STXBP2: variants seen among roughly 807,000 people sequenced by gnomAD.
The protein encoded by STXBP2 is syntaxin-binding protein 2.
A neutral mutation model predicts 72.2 loss-of-function variants in STXBP2; 47 were observed. That is an observed-to-expected ratio of 0.65 (90% CI 0.51 to 0.83). STXBP2 has a LOEUF of 0.83. Among genes scored for constraint, STXBP2 ranks in the 40% least tolerant of loss-of-function variants. The pLI, the probability that STXBP2 is intolerant of heterozygous loss-of-function variation, is 0.00. For missense variants in STXBP2, 702 were observed against 807.6 expected (o/e 0.87, Z 1.58); for synonymous variants, 367 against 338.7 (o/e 1.08, Z -0.92).
Position 7,643,238 on chromosome 19 carries a change from TGGA to T in STXBP2, c.1102_1104del (p.Glu368del). ...GGCTCGGTGGAGAAGCTGTGTAGTG[TGGA>T]GCAGGTGGGGCAGGGCTTGCGGGGG... On this transcript the variant is annotated inframe_deletion, in exon 13 of 19. Transcript: ENST00000221283. The T allele has an allele frequency of 6.2e-7, 1 of 1,612,096 alleles. No individual in the cohort carries two copies. Among genetic ancestry groups the T allele is most frequent in the Non-Finnish European group, 8.5e-7 (1 of 1,179,576 alleles).
rs1423850953 is a variant in STXBP2 at position 7,646,271 on chromosome 19, T to C, written c.1379T>C (p.Leu460Pro). The C allele has an allele frequency of 1.2e-6, 2 of 1,609,502 alleles. No homozygotes were observed. Among genetic ancestry groups the C allele is most frequent in the Non-Finnish European group, 1.7e-6 (2 of 1,178,446 alleles). ...TAGGGCTCGGGGACCTCCAGCCGGC[T>C]GGAGCCGAGAGAACGCATGGAGCCC... ...NPGGSGTSSR[L>P]EPRERMEPTY... The change falls in exon 16 of 19, where the codon CTG (leucine) becomes CCG (proline). Residue 460 changes from leucine to proline, a missense_variant. Physicochemically the swap from Leu to Pro is moderately conservative, Grantham distance 98. Coordinates refer to ENST00000221283, the MANE Select transcript of STXBP2 (RefSeq NM_006949.4).
At chr19:7,633,879 G>T (rs145592860), upstream of STXBP2, 39 of 179,382 alleles carry the variant, frequency 2.2e-4, no homozygotes, top group South Asian at 5.9e-3. Context: ...TCCTGAAAGG[G>T]CAGCTGCCAC....
rs763315086 is a variant in STXBP2, at chr19:7,641,889, C to A, written c.578+36C>A. 4.4e-6 allele frequency: 7 copies of A among 1,597,740 alleles called. No individual in the cohort carries two copies. The East Asian group carries it at 1.6e-4, about 37-fold the overall frequency. ...CACCCAGCCCCACCCCGATGCCGAC[C>A]CCCCCTTAACCGCGTGCAACACCTA... is the stretch of plus-strand genomic sequence containing the variant. On this transcript the variant is annotated intron_variant, in intron 7 of 18. Coordinates refer to ENST00000221283, the MANE Select transcript of STXBP2 (RefSeq NM_006949.4).
chr19:7,638,257 C>T (rs1244318950), intron 1 of STXBP2, among the ~76,000 whole-genome samples: 1 of 152,220 alleles, frequency 6.6e-6, no homozygotes, highest in Non-Finnish European at 1.5e-5. Flanking sequence ...ATCTGTTTCC[C>T]TGTCTGTAAA....
chr19:7,647,624 C>A, intron 18 of STXBP2, 101 bp from the exon 19 acceptor site: 1 of 1,598,414 alleles, frequency 6.3e-7, no homozygotes, highest in Non-Finnish European at 8.6e-7. Flanking sequence ...ACCTGGTTTG[C>A]TGAGGGACAG....
At chr19:7,638,637 T>C (rs1599388703) in intron 1 of STXBP2, 89 bp from the exon 2 acceptor site, 1 of 1,358,634 alleles carries the variant, frequency 7.4e-7, no homozygotes, top group South Asian at 1.2e-5. Context: ...GGAATTAAGA[T>C]GGGGGTTCAG....
rs760320854 is a variant in STXBP2, at chr19:7,643,162, C to T, written c.1027-3C>T. ...CCCCCAACCCCCACCCTGCACCCTG[C>T]AGTATTCTACGCACCTGCATCTAGC... On this transcript the variant is annotated splice_polypyrimidine_tract_variant and splice_region_variant and intron_variant, in intron 12 of 18. Transcript: ENST00000221283. The T allele has an allele frequency of 1.5e-5, 25 of 1,614,178 alleles. No homozygotes were observed. The highest frequency in any genetic ancestry group is 1.7e-5 in the Non-Finnish European group (20 of 1,180,030).
Position 7,647,580 on chromosome 19 carries a change from A to G in STXBP2, c.1696+69A>G, listed in dbSNP as rs1239240385. The stretch of plus-strand genomic sequence containing the variant: ...CCCGGGGCCTGGGCTTGTACCTTCT[A>G]GGTGTCTGGACTCCAGAGTCCTTGG... On this transcript the variant is annotated intron_variant, in intron 18 of 18. Transcript: ENST00000221283. 1.9e-6 allele frequency: 3 copies of G among 1,582,260 alleles called. No homozygotes were observed. The East Asian group carries it at 6.9e-5, about 37-fold the overall frequency.
the STXBP2 span, chr19:7,630,350 G>T: frequency 3.5e-6 from 2 of 577,464 alleles, no homozygotes; most frequent in Admixed American, 6.1e-5. Context: ...TTGAGAGGAA[G>T]ACTCCAGCTC....
At position 7,642,130 on chromosome 19, in the gene STXBP2, T is replaced by C. The variant is rs762815572; in HGVS notation, c.663+12T>C. Reference sequence around the variant, plus strand: ...CCAGTCTGGGCGAGGTGAGGGGGCGTGCTTGGGAGGTGAGGGGCAGCCCCA... The same window carrying C: ...CCAGTCTGGGCGAGGTGAGGGGGCGCGCTTGGGAGGTGAGGGGCAGCCCCA... On this transcript the variant is annotated intron_variant, in intron 8 of 18. Transcript: ENST00000221283. The surrounding 1 kb of genome is among the most constrained non-coding windows in gnomAD (Gnocchi z 6.0). The C allele has an allele frequency of 1.2e-6, 2 of 1,613,836 alleles. No homozygotes were observed. The highest frequency in any genetic ancestry group is 1.7e-5 in the Admixed American group (1 of 59,990).
At chr19:7,630,701 G>C in the STXBP2 span, 1 of 1,532,596 alleles carries the variant, frequency 6.5e-7, no homozygotes, top group East Asian at 2.4e-5. Context: ...TCCAGGGGTG[G>C]GAGAGGGTGT....
At chr19:7,639,511 G>C in intron 3 of STXBP2, 1 of 612,936 alleles carries the variant, frequency 1.6e-6, no homozygotes. Context: ...CAGAACCTCA[G>C]TCTCCCTGTC....
intron 1 of STXBP2, among the ~76,000 whole-genome samples, chr19:7,637,974 T>C (rs1599387646): frequency 6.6e-6 from 1 of 152,348 alleles, no homozygotes; most frequent in East Asian, 1.9e-4. Flanking sequence ...GTCAGTGGGA[T>C]AGCCTCAGCT....
At position 7,643,229 on chromosome 19, in the gene STXBP2, TGTGTAGTGTG is replaced by T; in HGVS notation, c.1093_1102del (p.Cys365SerfsTer19). 6.2e-7 allele frequency: 1 copy of T among 1,613,262 alleles called. No homozygotes were observed. Among genetic ancestry groups the T allele is most frequent in the Non-Finnish European group, 8.5e-7 (1 of 1,179,886 alleles). On this transcript the variant is annotated frameshift_variant, in exon 13 of 19. Coordinates refer to ENST00000221283, the MANE Select transcript of STXBP2 (RefSeq NM_006949.4). LOFTEE classifies it high-confidence loss of function. ...CACTTCAAGGGCTCGGTGGAGAAGC[TGTGTAGTGTG>T]GAGCAGGTGGGGCAGGGCTTGCGGG...
chr19:7,641,768 C>T lies in STXBP2; in HGVS notation c.493C>T (p.Arg165Cys), dbSNP rs1364548535. 7 of 1,552,320 alleles carry T rather than the reference C, an allele frequency of 4.5e-6. No individual in the cohort carries two copies. Among genetic ancestry groups the T allele is most frequent in the Non-Finnish European group, 6.1e-6 (7 of 1,147,968 alleles). Residue 165 changes from arginine to cysteine, a missense_variant, in exon 7 of 19, where the codon CGC (arginine) becomes TGC (cysteine). By Grantham distance (180) the Arg-to-Cys change is radical (BLOSUM62 -3). Coordinates refer to ENST00000221283, the MANE Select transcript of STXBP2 (RefSeq NM_006949.4). ...NLYCPFRAEE[R>C]TRQLEVLAQQ... is the part of the protein sequence containing the mutation. Reference sequence around the variant, plus strand: ...CTACTGCCCCTTCCGGGCAGAGGAGCGCACGCGGCAGCTCGAGGTGCTGGC... The same window carrying T: ...CTACTGCCCCTTCCGGGCAGAGGAGTGCACGCGGCAGCTCGAGGTGCTGGC...
upstream of STXBP2, chr19:7,633,785 G>A (rs1286606151): frequency 5.4e-6 from 2 of 370,574 alleles, no homozygotes; most frequent in Admixed American, 4.6e-5. Flanking sequence ...AGTTGGAGAA[G>A]GGAGGCCAAC....
In STXBP2 at chr19:7,638,761, G is replaced by A; in HGVS notation, c.73G>A (p.Asp25Asn). 3 of 1,614,158 alleles carry A rather than the reference G, an allele frequency of 1.9e-6. No homozygotes were observed. Among genetic ancestry groups the A allele is most frequent in the Non-Finnish European group, 2.5e-6 (3 of 1,180,030 alleles). The change falls in exon 2 of 19, where the codon GAT becomes AAT. Residue 25 changes from aspartate to asparagine, a missense_variant. Transcript: ENST00000221283. ...CGGAGTTATTCGGAGTGTCAAGAAG[G>A]ATGGGGAGTGGAAGGTAGGGGTGAG... Reference protein sequence around the residue: ...LSGVIRSVKKDGEWKVLIMDH... With the variant: ...LSGVIRSVKKNGEWKVLIMDH...
Position 7,642,415 on chromosome 19 carries a change from T to C in STXBP2, c.795-14T>C. 6.2e-7 allele frequency: 1 copy of C among 1,613,782 alleles called. No individual in the cohort carries two copies. Among genetic ancestry groups the C allele is most frequent in the Non-Finnish European group, 8.5e-7 (1 of 1,179,920 alleles). ...CAGCTCCCCTGACCCCCAGGCTCCC[T>C]CCTTCCTCCCCAGGTATGAGACCAC... On this transcript the variant is annotated splice_polypyrimidine_tract_variant and intron_variant, in intron 9 of 18. Coordinates refer to ENST00000221283, the MANE Select transcript of STXBP2 (RefSeq NM_006949.4). The surrounding 1 kb of genome is among the most constrained non-coding windows in gnomAD (Gnocchi z 6.0).
rs1335108650 is a variant in STXBP2 at position 7,644,364 on chromosome 19, TA to T, written c.1108-249del. 5.4e-6 allele frequency: 3 copies of T among 551,236 alleles called. No individual in the cohort carries two copies. In the African/African-American group the frequency reaches 5.9e-5, roughly 11 times the overall value. 34.1% of individuals were successfully genotyped at this position (551,236 alleles called of 1,614,324 possible). A position where few individuals can be genotyped will look rare whatever the true frequency, so the allele number is the denominator to read the frequency against. On this transcript the variant is annotated intron_variant, in intron 13 of 18. Transcript: ENST00000221283. ...GGTGAGGGGTGGAGCCTTGGAGAGG[TA>T]GTCTCAGGATAGTGGTGTGACCTGT...
Sources: gnomAD v4.1 joint callset for allele counts (sites outside exome capture counted in the v4.1 genomes callset) on GRCh38, gnomAD v4.1.1 for gene constraint, Gnocchi (gnomAD v3.1) non-coding constraint, MANE v1.5 for transcripts, NCBI Gene and HGNC (gene_info 2026-07-23, HGNC 2026-07-21) for gene names.